The following NALF1 variants were observed in gnomAD, a reference collection of about 807,000 sequenced individuals.
The protein encoded by NALF1 is family with sequence similarity 155 member A.
NALF1 carries 3 observed loss-of-function variants against 48.4 expected under a neutral mutation model. The observed-to-expected ratio is 0.06, with a 90% CI of 0.03 to 0.16. The LOEUF is 0.16. Among genes scored for constraint, NALF1 ranks in the 10% least tolerant of loss-of-function variants. The pLI, the probability that NALF1 is intolerant of heterozygous loss-of-function variation, is 1.00. For missense variants in NALF1, 526 were observed against 571.5 expected, an observed-to-expected ratio of 0.92 and a Z score of 0.81; for synonymous variants, 262 against 245.7, an observed-to-expected ratio of 1.07 and a Z score of -0.62.
intron 1 of NALF1, among the ~76,000 whole-genome samples, chr13:107,835,086 A>G (rs1231671314): frequency 6.6e-6 from 1 of 152,194 alleles, no homozygotes; most frequent in Non-Finnish European, 1.5e-5. Flanking sequence ...CGTATTGTCC[A>G]TGATGTTCTA....
intron 1 of NALF1, among the ~76,000 whole-genome samples, chr13:107,365,688 C>T (rs1450379492): frequency 6.6e-6 from 1 of 152,196 alleles, no homozygotes; most frequent in Admixed American, 6.5e-5. Context: ...TAATCTCATT[C>T]CATTCCTGGG....
chr13:107,764,946 T>C (rs1328483960), intron 1 of NALF1, among the ~76,000 whole-genome samples: 1 of 152,192 alleles, frequency 6.6e-6, no homozygotes, highest in African/African-American at 2.4e-5. Flanking sequence ...TCTTACTACG[T>C]GGGTTACTTT....
intron 1 of NALF1, among the ~76,000 whole-genome samples, chr13:107,225,821 A>ACACG (rs1253056880): frequency 6.6e-6 from 1 of 152,054 alleles, no homozygotes. Flanking sequence ...ATATGCACAC[A>ACACG]CACGCACGCA....
chr13:107,388,467 C>A (rs1039588162), intron 1 of NALF1, among the ~76,000 whole-genome samples: 2 of 152,138 alleles, frequency 1.3e-5, no homozygotes, highest in Non-Finnish European at 2.9e-5. Context: ...CCCAACACTG[C>A]CTCTTTTTGA....
chr13:107,470,452 T>A (rs1225400220), intron 1 of NALF1, among the ~76,000 whole-genome samples: 4 of 152,210 alleles, frequency 2.6e-5, no homozygotes, highest in African/African-American at 9.6e-5. Context: ...ATACTGTAAA[T>A]CCAGGGAAGT....
intron 2 of NALF1, among the ~76,000 whole-genome samples, chr13:107,201,616 G>A (rs4238254): frequency 0.77 from 117,174 of 152,068 alleles, 45,331 homozygotes; most frequent in East Asian, 0.96. Context: ...TGACCTCTAT[G>A]AGAAGAATTT....
chr13:107,622,831 G>A (rs990085480), intron 1 of NALF1, among the ~76,000 whole-genome samples: 1 of 152,144 alleles, frequency 6.6e-6, no homozygotes, highest in Non-Finnish European at 1.5e-5. Context: ...ATGGTAACTA[G>A]GCATAGCAGT....
intron 1 of NALF1, among the ~76,000 whole-genome samples, chr13:107,555,365 C>T (rs181281817): frequency 4.6e-5 from 7 of 151,144 alleles, no homozygotes; most frequent in Admixed American, 3.3e-4. Flanking sequence ...CTCCGCCTCC[C>T]GGGTTCAAGA....
chr13:107,319,311 G>A (rs1263133910), intron 1 of NALF1, among the ~76,000 whole-genome samples: 1 of 152,034 alleles, frequency 6.6e-6, no homozygotes, highest in Non-Finnish European at 1.5e-5. Context: ...TTAATATATT[G>A]GAAGATCACT....
At chr13:107,782,112 T>A (rs12429080) in intron 1 of NALF1, among the ~76,000 whole-genome samples, 23,969 of 152,168 alleles carry the variant, frequency 0.16, 2,259 homozygotes, top group Admixed American at 0.27. Flanking sequence ...GAGCCGAAGC[T>A]GGACTGTACT....
intron 1 of NALF1, among the ~76,000 whole-genome samples, chr13:107,450,380 G>T (rs546088234): frequency 6.6e-6 from 1 of 152,164 alleles, no homozygotes; most frequent in South Asian, 2.1e-4. Context: ...GCATGGGAGG[G>T]AGTGGTCAGG....
intron 1 of NALF1, among the ~76,000 whole-genome samples, chr13:107,394,510 T>A (rs1414621155): frequency 6.6e-6 from 1 of 152,156 alleles, no homozygotes. Flanking sequence ...ACTGGGGCCA[T>A]CACAGGCCTG....
chr13:107,637,262 T>C (rs973152471), intron 1 of NALF1, among the ~76,000 whole-genome samples: 1 of 152,050 alleles, frequency 6.6e-6, no homozygotes, highest in East Asian at 1.9e-4. Context: ...TGTATATATA[T>C]ATATAATTTA....
intron 1 of NALF1, among the ~76,000 whole-genome samples, chr13:107,812,532 T>C (rs567547427): frequency 6.6e-6 from 1 of 152,240 alleles, no homozygotes; most frequent in Non-Finnish European, 1.5e-5. Flanking sequence ...GCTACAAAGT[T>C]TGTATCATAA....
intron 1 of NALF1, among the ~76,000 whole-genome samples, chr13:107,794,076 A>G (rs7332529): frequency 0.016 from 2,386 of 152,282 alleles, 47 homozygotes; most frequent in African/African-American, 0.052. Context: ...ATGTTCAGTC[A>G]AAGAGTTAAA....
chr13:107,173,321 C>A (rs1878843894), intron 2 of NALF1, among the ~76,000 whole-genome samples: 1 of 152,194 alleles, frequency 6.6e-6, no homozygotes, highest in African/African-American at 2.4e-5. Context: ...TAAATAGTAA[C>A]TTTGATACCT....
intron 1 of NALF1, among the ~76,000 whole-genome samples, chr13:107,474,534 A>G (rs1301792449): frequency 6.6e-6 from 1 of 152,226 alleles, no homozygotes; most frequent in Non-Finnish European, 1.5e-5. Context: ...AAATGTAATA[A>G]TGTCTTCAAC....
chr13:107,304,114 T>C (rs983348662), intron 1 of NALF1, among the ~76,000 whole-genome samples: 13 of 152,196 alleles, frequency 8.5e-5, no homozygotes, highest in African/African-American at 2.9e-4. Context: ...AATTTGGTTA[T>C]ATTAATATAC....
intron 1 of NALF1, among the ~76,000 whole-genome samples, chr13:107,801,612 T>A (rs1878614960): frequency 6.6e-6 from 1 of 152,202 alleles, no homozygotes; most frequent in Non-Finnish European, 1.5e-5. Context: ...TCCTAGAAAC[T>A]GACTGCAGAA....
Sources: allele counts gnomAD v4.1 joint callset (sites outside exome capture counted in the v4.1 genomes callset), GRCh38; gene constraint gnomAD v4.1.1; transcripts MANE v1.5; gene names NCBI Gene and HGNC (gene_info 2026-07-23, HGNC 2026-07-21).